ETV1: variants seen among roughly 807,000 people sequenced by gnomAD.
ETV1 encodes the protein ETS translocation variant 1.
In ETV1, 27 loss-of-function variants were observed where a neutral mutation model predicts 62.3. The ratio of observed to expected loss-of-function variants is 0.43; its 90% CI spans 0.32 to 0.60. The LOEUF is 0.60. Ranked by LOEUF, ETV1 falls within the 20% of genes least tolerant of loss-of-function variation. The pLI, the probability that ETV1 is intolerant of heterozygous loss-of-function variation, is 0.06. For synonymous variants in ETV1, 222 were observed against 199.6 expected, an observed-to-expected ratio of 1.11 and a Z score of -0.94; for missense variants, 605 against 605.8, an observed-to-expected ratio of 1.00 and a Z score of 0.01.
intron 6 of ETV1, 25 bp downstream of exon 6, chr7:13,977,401 CA>C (rs1781560317): frequency 6.9e-7 from 1 of 1,447,274 alleles, no homozygotes; most frequent in African/African-American, 1.4e-5. Context: ...CAGAAAAATA[CA>C]AGAGATGAGT....
At position 13,919,563 on chromosome 7, in the gene ETV1, CAT is replaced by C. The variant is rs1266774717; in HGVS notation, c.803-8258_803-8257del. 4.7e-5 allele frequency among the ~76,000 whole-genome samples: 5 copies of C among 107,026 alleles called. No individual in the cohort carries two copies. The East Asian group carries it at 1.4e-3, about 30-fold the overall frequency. The allele number at this position is 107,026 out of a possible 152,430, so 70.2% of individuals were successfully genotyped here. ...TTGTTAGAAACAACTAAATAGAAAC[CAT>C]ACACACACACACACACACACACACA... On this transcript the variant is annotated intron_variant, in intron 9 of 13. Transcript: ENST00000430479.
chr7:13,983,452 G>C (rs1251845051), intron 5 of ETV1, among the ~76,000 whole-genome samples: 2 of 151,840 alleles, frequency 1.3e-5, no homozygotes, highest in Non-Finnish European at 2.9e-5. Context: ...CCATGATGTT[G>C]ATAGAATTGA....
intron 6 of ETV1, 74 bp downstream of exon 6, chr7:13,977,353 C>T: frequency 2.8e-6 from 3 of 1,064,390 alleles, no homozygotes; most frequent in South Asian, 3.0e-5. Flanking sequence ...ACGTGAAAAC[C>T]AACCAAAGAG....
intron 9 of ETV1, among the ~76,000 whole-genome samples, chr7:13,923,851 G>A (rs148160265): frequency 1.5e-3 from 223 of 152,052 alleles, no homozygotes; most frequent in African/African-American, 4.3e-3. Context: ...TGACCAACAC[G>A]GAGAAACTCC....
chr7:13,969,864 C>T (rs770609573), intron 6 of ETV1, among the ~76,000 whole-genome samples: 18 of 152,256 alleles, frequency 1.2e-4, no homozygotes, highest in South Asian at 1.0e-3. Context: ...AACTAAAAGG[C>T]AGTTGCTTCT....
At chr7:13,927,955 A>T (rs1198264402) in intron 9 of ETV1, among the ~76,000 whole-genome samples, 1 of 152,212 alleles carries the variant, frequency 6.6e-6, no homozygotes, top group Non-Finnish European at 1.5e-5. Flanking sequence ...TGCAATATAA[A>T]ATTAACAGCT....
intron 5 of ETV1, among the ~76,000 whole-genome samples, chr7:13,983,863 C>G (rs114145483): frequency 0.018 from 2,736 of 151,802 alleles, 95 homozygotes; most frequent in African/African-American, 0.063. Context: ...CTTTACTGAA[C>G]TGAAAATACT....
At chr7:13,931,161 T>C (rs1293730099) in intron 9 of ETV1, among the ~76,000 whole-genome samples, 2 of 152,114 alleles carry the variant, frequency 1.3e-5, no homozygotes, top group African/African-American at 2.4e-5. Flanking sequence ...ACATTTTTAT[T>C]AAGTAGCACT....
intron 9 of ETV1, among the ~76,000 whole-genome samples, chr7:13,926,359 AAAAGCAAAATATCAACC>A (rs548563679): frequency 1.8e-3 from 280 of 152,342 alleles, no homozygotes; most frequent in Non-Finnish European, 3.3e-3. Context: ...ATGAAACAAA[AAAAGCAAAATATCAACC>A]AACCACCTAA....
chr7:13,906,941 T>A (rs535912033), intron 11 of ETV1, among the ~76,000 whole-genome samples: 1 of 152,270 alleles, frequency 6.6e-6, no homozygotes, highest in East Asian at 1.9e-4. Flanking sequence ...TCAGACTTCT[T>A]TGCTTTTATT....
chr7:13,945,883 T>A lies in ETV1; in HGVS notation c.236-6637A>T, dbSNP rs187003260. Among the ~76,000 whole-genome samples the A allele has an allele frequency of 2.0e-5, 3 of 152,302 alleles. No individual in the cohort carries two copies. The East Asian group carries it at 5.8e-4, about 29-fold the overall frequency. ...AAAAGGCTGTTAAGTACTAAATTAT[T>A]CCTTATCAAATCACCATCATCTGGA... On this transcript the variant is annotated intron_variant, in intron 6 of 13. Transcript: ENST00000430479.
chr7:13,973,294 C>T (rs1781084543), intron 6 of ETV1, among the ~76,000 whole-genome samples: 1 of 152,174 alleles, frequency 6.6e-6, no homozygotes, highest in South Asian at 2.1e-4. Context: ...TGATTACTCA[C>T]ATTTTTAAAA....
intron 6 of ETV1, among the ~76,000 whole-genome samples, chr7:13,970,013 T>C (rs1415823290): frequency 6.6e-6 from 1 of 151,852 alleles, no homozygotes; most frequent in Non-Finnish European, 1.5e-5. Flanking sequence ...TCCCAGCACT[T>C]TGGGAGGCCG....
chr7:13,904,697 G>A (rs111858368), intron 12 of ETV1, among the ~76,000 whole-genome samples: 1,596 of 152,048 alleles, frequency 0.01, 21 homozygotes, highest in African/African-American at 0.034. Flanking sequence ...AATCCCTGTA[G>A]AAAGTGCTCA....
rs550658457 is a variant in ETV1, at chr7:13,983,976, A to G, written c.181+2662T>C. 4.6e-5 allele frequency among the ~76,000 whole-genome samples: 7 copies of G among 152,022 alleles called. No homozygotes were observed. In the South Asian group the frequency reaches 6.2e-4, roughly 14 times the overall value. The stretch of plus-strand genomic sequence containing the variant: ...CATAATAATTACCCATGACTAATCC[A>G]TATGTTGCATTTGGGGTAAAATTTA... On this transcript the variant is annotated intron_variant, in intron 5 of 13. Transcript: ENST00000430479.
intron 6 of ETV1, among the ~76,000 whole-genome samples, chr7:13,950,972 G>A (rs1201008558): frequency 2.0e-5 from 3 of 147,684 alleles, no homozygotes; most frequent in African/African-American, 7.7e-5. Context: ...CCAATTTCCT[G>A]CTTGAAAAAC....
chr7:13,930,732 A>G (rs1444488163), intron 9 of ETV1, among the ~76,000 whole-genome samples: 6 of 152,050 alleles, frequency 3.9e-5, no homozygotes, highest in Non-Finnish European at 8.8e-5. Context: ...ATAATCTGTT[A>G]TTCCCCTCTT....
rs772983453 is a variant in ETV1 at position 13,891,761 on chromosome 7, AT to A, written c.*4104del. ...TAATATGTACATTTGCCTTCTTTAT[AT>A]TTTTTCCACCATCACTTTTACCCAA... On this transcript the variant is annotated 3_prime_UTR_variant, in exon 14 of 14. Transcript: ENST00000430479. 51 of 231,756 alleles carry A rather than the reference AT, an allele frequency of 2.2e-4. No individual in the cohort carries two copies. The highest frequency in any genetic ancestry group is 1.0e-4 in the Non-Finnish European group (12 of 117,360). 14.4% of individuals were successfully genotyped at this position (231,756 alleles called of 1,614,324 possible). A position where few individuals can be genotyped will look rare whatever the true frequency, so the allele number is the denominator to read the frequency against.
intron 9 of ETV1, among the ~76,000 whole-genome samples, chr7:13,927,549 A>T (rs1785575067): frequency 6.6e-6 from 1 of 152,234 alleles, no homozygotes; most frequent in African/African-American, 2.4e-5. Flanking sequence ...CAACACCAAT[A>T]GGTGAAAAAA....
Sources: allele counts gnomAD v4.1 joint callset (sites outside exome capture counted in the v4.1 genomes callset), GRCh38; gene constraint gnomAD v4.1.1; transcripts MANE v1.5; gene names NCBI Gene and HGNC (gene_info 2026-07-23, HGNC 2026-07-21).